Variants in ZFHX3 observed in about 807,000 individuals in gnomAD.
ZFHX3 encodes zinc finger homeobox protein 3.
In ZFHX3, 42 loss-of-function variants were observed where a neutral mutation model predicts 279.1. That is an observed-to-expected ratio of 0.15 (90% CI 0.12 to 0.19). The LOEUF is 0.19. ZFHX3 is among the 10% of genes least tolerant of loss of function. The pLI, the probability that ZFHX3 is intolerant of heterozygous loss-of-function variation, is 1.00. For synonymous variants in ZFHX3, 2,293 were observed against 1,957.8 expected (o/e 1.17, Z -4.52); for missense variants, 4,981 against 4,754.0 (o/e 1.05, Z -1.40).
chr16:73,603,575 T>C (rs994712828), intron 2 of ZFHX3, among the ~76,000 whole-genome samples: 3 of 152,114 alleles, frequency 2.0e-5, no homozygotes, highest in African/African-American at 7.2e-5. Context: ...TCTAAGAACC[T>C]TGAAACCAGT....
chr16:73,572,618 C>T (rs2051753450), intron 2 of ZFHX3, among the ~76,000 whole-genome samples: 1 of 152,170 alleles, frequency 6.6e-6, no homozygotes, highest in Non-Finnish European at 1.5e-5. Context: ...CTGGGGTCCC[C>T]TCTGAAAGAA....
At chr16:73,120,590 T>TTCATGTGCC (rs1966484590) in intron 7 of ZFHX3, among the ~76,000 whole-genome samples, 1 of 151,846 alleles carries the variant, frequency 6.6e-6, no homozygotes, top group African/African-American at 2.4e-5. Flanking sequence ...CATACCTTTC[T>TTCATGTGCC]TCATGTGCCT....
intron 2 of ZFHX3, among the ~76,000 whole-genome samples, chr16:73,572,863 T>C (rs2051756337): frequency 6.6e-6 from 1 of 152,236 alleles, no homozygotes; most frequent in South Asian, 2.1e-4. Flanking sequence ...TCTACTGAGC[T>C]GCCTTCAATG....
intron 3 of ZFHX3, among the ~76,000 whole-genome samples, chr16:73,433,266 C>G (rs2017940715): frequency 6.6e-6 from 1 of 152,210 alleles, no homozygotes; most frequent in Non-Finnish European, 1.5e-5. Flanking sequence ...CCCTCCACCC[C>G]CTTGTTCTCC....
intron 4 of ZFHX3, among the ~76,000 whole-genome samples, chr16:72,884,167 C>T (rs2038565451): frequency 6.6e-6 from 1 of 152,150 alleles, no homozygotes; most frequent in African/African-American, 2.4e-5. Flanking sequence ...AAGCACAACA[C>T]CCTGAAACTT....
intron 1 of ZFHX3, among the ~76,000 whole-genome samples, chr16:73,025,598 G>A (rs117414632): frequency 7.2e-5 from 11 of 152,272 alleles, no homozygotes; most frequent in Admixed American, 1.3e-4. Context: ...GCTTTGGGCT[G>A]GAATCTCTGG....
chr16:73,711,177 C>T (rs1399023750), intron 1 of ZFHX3, among the ~76,000 whole-genome samples: 1 of 152,152 alleles, frequency 6.6e-6, no homozygotes, highest in Non-Finnish European at 1.5e-5. Flanking sequence ...AAAATGCACT[C>T]TCTGTCTGAT....
At chr16:72,823,088 A>G (rs1597278473) in intron 5 of ZFHX3, among the ~76,000 whole-genome samples, 1 of 152,200 alleles carries the variant, frequency 6.6e-6, no homozygotes, top group East Asian at 1.9e-4. Context: ...CCTGGAAAAA[A>G]AAGAGTGGGG....
At chr16:72,858,174 C>CGTGG (rs1304965701) in intron 4 of ZFHX3, among the ~76,000 whole-genome samples, 34 of 152,242 alleles carry the variant, frequency 2.2e-4, no homozygotes, top group African/African-American at 8.0e-4. Flanking sequence ...CCTCTCACCA[C>CGTGG]AAGCAGCCGT....
intron 2 of ZFHX3, among the ~76,000 whole-genome samples, chr16:73,598,988 C>T (rs918196373): frequency 6.6e-6 from 1 of 152,164 alleles, no homozygotes; most frequent in African/African-American, 2.4e-5. Context: ...GTCTTGAACT[C>T]CTGACCTCGT....
At position 72,958,480 on chromosome 16, in the gene ZFHX3, A is replaced by G. The variant is rs750872800; in HGVS notation, c.1666T>C (p.Ser556Pro). 6.2e-7 allele frequency: 1 copy of G among 1,614,170 alleles called. No individual in the cohort carries two copies. The highest frequency in any genetic ancestry group is 8.5e-7 in the Non-Finnish European group (1 of 1,180,042). Residue 556 changes from serine (S) to proline (P), a missense_variant, in exon 2 of 10, where the codon TCT becomes CCT. By Grantham distance (74) the Ser-to-Pro change is moderately conservative. This residue lies in a region of ZFHX3 where 1,068 missense variants were observed against 935.2 expected (regional missense o/e 1.14). Transcript: ENST00000268489. ...GTASTSSNSA[S>P]SFVVFDGANR... is the part of the protein sequence containing the mutation. ...GCACCATCAAAGACAACAAAGGAAG[A>G]AGCAGAATTAGAACTAGTAGAAGCT... is the stretch of plus-strand genomic sequence containing the variant.
At chr16:73,747,719 A>G (rs2053717120) in intron 1 of ZFHX3, among the ~76,000 whole-genome samples, 1 of 152,194 alleles carries the variant, frequency 6.6e-6, no homozygotes, top group Admixed American at 6.5e-5. Flanking sequence ...GTATATATAC[A>G]ACTTGATTTC....
At chr16:73,857,446 A>G (rs919577295) in intron 1 of ZFHX3, among the ~76,000 whole-genome samples, 1 of 152,202 alleles carries the variant, frequency 6.6e-6, no homozygotes, top group African/African-American at 2.4e-5. Context: ...TTTAGCATAA[A>G]GTAACCCCAC....
chr16:73,778,655 C>CCT, intron 1 of ZFHX3, among the ~76,000 whole-genome samples: 1 of 152,292 alleles, frequency 6.6e-6, no homozygotes, highest in East Asian at 1.9e-4. Flanking sequence ...CCTGCATGTG[C>CCT]CTCTGCACAG....
At chr16:73,739,647 T>C (rs1362466188) in intron 1 of ZFHX3, among the ~76,000 whole-genome samples, 1 of 152,134 alleles carries the variant, frequency 6.6e-6, no homozygotes, top group Non-Finnish European at 1.5e-5. Context: ...AGTGGACTCT[T>C]CTGTCTATTG....
intron 3 of ZFHX3, among the ~76,000 whole-genome samples, chr16:72,936,235 G>A (rs773890624): frequency 1.3e-5 from 2 of 152,198 alleles, no homozygotes; most frequent in Non-Finnish European, 2.9e-5. Flanking sequence ...CCAAGTGTGC[G>A]CATGAGGCTG....
intron 3 of ZFHX3, among the ~76,000 whole-genome samples, chr16:73,448,388 G>T (rs889621247): frequency 6.6e-6 from 1 of 152,020 alleles, no homozygotes; most frequent in African/African-American, 2.4e-5. Context: ...GTAACATAAT[G>T]ATTTTTAAAA....
chr16:72,985,823 G>C (rs750730276), intron 1 of ZFHX3, among the ~76,000 whole-genome samples: 10 of 152,118 alleles, frequency 6.6e-5, no homozygotes, highest in Non-Finnish European at 1.2e-4. Flanking sequence ...TCTGCCGGCA[G>C]AGCAGGGGTT....
Position 73,770,598 on chromosome 16 carries a change from G to C in ZFHX3, c.-1607-90358C>G, listed in dbSNP as rs573704306. Among the ~76,000 whole-genome samples the C allele has an allele frequency of 1.1e-3, 171 of 152,292 alleles. 2 individuals are homozygous for C. The highest frequency in any genetic ancestry group is 3.9e-3 in the African/African-American group (161 of 41,566). ...AGAGTCATAAAAAGTAAGATATTGA[G>C]ATGATCAACCAAAATAAACAAGAAA... On this transcript the variant is annotated intron_variant, in intron 1 of 17. Transcript: ENST00000641206.
Sources: gnomAD v4.1 joint callset for allele counts (sites outside exome capture counted in the v4.1 genomes callset) on GRCh38, gnomAD v4.1.1 for gene constraint, gnomAD v4.1.1 regional missense constraint, MANE v1.5 for transcripts, NCBI Gene and HGNC (gene_info 2026-07-23, HGNC 2026-07-21) for gene names.